The following ATP2A2 variants were observed in gnomAD, a reference collection of about 807,000 sequenced individuals.
The protein encoded by ATP2A2 is sarcoplasmic/endoplasmic reticulum calcium ATPase 2.
ATP2A2 carries 14 observed loss-of-function variants against 109.3 expected under a neutral mutation model. The observed-to-expected ratio is 0.13, with a 90% CI of 0.08 to 0.20. The LOEUF (loss-of-function observed/expected upper bound fraction) is 0.20, where lower values mean the gene tolerates loss of function less well. Among genes scored for constraint, ATP2A2 ranks in the 10% least tolerant of loss-of-function variants. ATP2A2 has a pLI of 1.00. For missense variants in ATP2A2, 657 were observed against 1,321.6 expected, an observed-to-expected ratio of 0.50 and a Z score of 7.80; for synonymous variants, 506 against 490.9, an observed-to-expected ratio of 1.03 and a Z score of -0.41.
intron 5 of ATP2A2, among the ~76,000 whole-genome samples, chr12:110,304,943 T>G (rs1183443030): frequency 6.6e-6 from 1 of 152,016 alleles, no homozygotes; most frequent in Non-Finnish European, 1.5e-5. Context: ...TTTTTTTTTC[T>G]TTTTGAGACG....
Position 110,327,705 on chromosome 12 carries a change from C to T in ATP2A2, c.783C>T (p.Ser261=), listed in dbSNP as rs142721178. The part of the protein sequence containing the change: ...QKLDEFGEQL[S]KVISLICIAV... Reference sequence around the variant, plus strand: ...TAGATGAATTTGGGGAACAGCTTTCCAAAGTCATCTCCCTTATTTGCATTG... The same window carrying T: ...TAGATGAATTTGGGGAACAGCTTTCTAAAGTCATCTCCCTTATTTGCATTG... Residue 261 remains serine (S), a synonymous_variant, in exon 8 of 20, where the codon TCC becomes TCT. Coordinates refer to ENST00000539276, the MANE Select transcript of ATP2A2 (RefSeq NM_170665.4). This position sits in a 1 kb window ranked among gnomAD's most constrained non-coding sequence, Gnocchi z 4.4. 355 of 1,614,004 alleles carry T rather than the reference C, an allele frequency of 2.2e-4. No homozygotes were observed. The highest frequency in any genetic ancestry group is 2.9e-4 in the Non-Finnish European group (338 of 1,180,038).
chr12:110,328,016 G>A lies in ATP2A2; in HGVS notation c.1094G>A (p.Arg365Lys). The change falls in exon 8 of 20, where the codon AGG becomes AAG. Residue 365 changes from arginine to lysine, a missense_variant and splice_region_variant. This residue lies in a region of ATP2A2 where 46 missense variants were observed against 62.0 expected (regional missense o/e 0.74). Coordinates refer to ENST00000539276, the MANE Select transcript of ATP2A2 (RefSeq NM_170665.4). Reference protein sequence around the residue: ...TLTTNQMSVCRMFILDRVEGD... With the variant: ...TLTTNQMSVCKMFILDRVEGD... The stretch of plus-strand genomic sequence containing the variant: ...ACAACAAACCAGATGTCAGTCTGCA[G>A]GGTAAGAGGAGTAATTTAGAATATT... 2 of 1,612,014 alleles carry A rather than the reference G, an allele frequency of 1.2e-6. No homozygotes were observed. Among genetic ancestry groups the A allele is most frequent in the East Asian group, 2.2e-5 (1 of 44,892 alleles).
intron 11 of ATP2A2, among the ~76,000 whole-genome samples, chr12:110,336,682 C>T (rs1878872336): frequency 6.6e-6 from 1 of 152,160 alleles, no homozygotes; most frequent in Non-Finnish European, 1.5e-5. Flanking sequence ...CCTGAGAAAA[C>T]AAAACTCACA....
intron 3 of ATP2A2, among the ~76,000 whole-genome samples, chr12:110,286,899 A>G (rs1187743464): frequency 6.6e-6 from 1 of 152,168 alleles, no homozygotes; most frequent in Non-Finnish European, 1.5e-5. Context: ...CTGAGTCACA[A>G]TATCATGACT....
rs575308946 is a variant in ATP2A2, at chr12:110,348,399, G to A, written c.*1929G>A. ...CTCCTTAGCCAGGGTGTGAGGCCTC[G>A]ACTATATTCTTCAAAATGTACTTAG... On this transcript the variant is annotated 3_prime_UTR_variant, in exon 20 of 20. Coordinates refer to ENST00000539276, the MANE Select transcript of ATP2A2 (RefSeq NM_170665.4). 34 of 985,416 alleles carry A rather than the reference G, an allele frequency of 3.5e-5. No individual in the cohort carries two copies. In the South Asian group the frequency reaches 1.0e-3, roughly 30 times the overall value. 61.0% of individuals were successfully genotyped at this position (985,416 alleles called of 1,614,324 possible).
chr12:110,320,345 A>C (rs1213978824), intron 5 of ATP2A2, among the ~76,000 whole-genome samples: 1 of 152,258 alleles, frequency 6.6e-6, no homozygotes, highest in East Asian at 1.9e-4. Context: ...GACGACCGCT[A>C]TCTCACATTG....
Position 110,346,763 on chromosome 12 carries a change from A to AG in ATP2A2, c.*293_*294insG, listed in dbSNP as rs1879904319. The stretch of plus-strand genomic sequence containing the variant: ...TGTTCTGTTTAATACTCATCCTTGT[A>AG]TAAAAAAAATAGTTGAGCCAGCAGA... On this transcript the variant is annotated 3_prime_UTR_variant, in exon 20 of 20. Transcript: ENST00000539276. 1 of 1,201,924 alleles carries AG rather than the reference A, an allele frequency of 8.3e-7. No homozygotes were observed. The highest frequency in any genetic ancestry group is 4.8e-5 in the East Asian group (1 of 20,624). The allele number at this position is 1,201,924 out of a possible 1,614,324, so 74.5% of individuals were successfully genotyped here. A position where few individuals can be genotyped will look rare whatever the true frequency, so the allele number is the denominator to read the frequency against.
chr12:110,333,156 C>G (rs1566233362), intron 9 of ATP2A2, 25 bp from the exon 10 acceptor site: 4 of 1,591,390 alleles, frequency 2.5e-6, no homozygotes, highest in Non-Finnish European at 3.4e-6. Flanking sequence ...ATACCCTGCT[C>G]TAAGAGTGTT....
Position 110,348,735 on chromosome 12 carries a change from G to A in ATP2A2, c.*2265G>A. On this transcript the variant is annotated 3_prime_UTR_variant, in exon 20 of 20. Transcript: ENST00000539276. ...ATCAGCCTTACTGTGAAGCCTCCAA[G>A]GCTGCTCGCAGGCAGCTGTGGCTCT... The A allele has an allele frequency of 1.0e-6, 1 of 985,468 alleles. No individual in the cohort carries two copies. The highest frequency in any genetic ancestry group is 1.2e-6 in the Non-Finnish European group (1 of 829,978). The allele number at this position is 985,468 out of a possible 1,614,324, so 61.0% of individuals were successfully genotyped here.
rs138160424 is a variant in ATP2A2 at position 110,327,488 on chromosome 12, C to T, written c.631-65C>T. 8.9e-5 allele frequency: 133 copies of T among 1,499,284 alleles called. No homozygotes were observed. The East Asian group carries it at 2.7e-3, about 30-fold the overall frequency. The allele number at this position is 1,499,284 out of a possible 1,614,324, so 92.9% of individuals were successfully genotyped here. A position where few individuals can be genotyped will look rare whatever the true frequency, so the allele number is the denominator to read the frequency against. On this transcript the variant is annotated intron_variant, in intron 7 of 19. Transcript: ENST00000539276. This position sits in a 1 kb window ranked among gnomAD's most constrained non-coding sequence, Gnocchi z 4.4. ...GAATCTGGGTGCCCTAGTCAAAAAC[C>T]AGCGTCGGTATTTAAGTTGGGATGT...
intron 5 of ATP2A2, among the ~76,000 whole-genome samples, chr12:110,321,096 C>T (rs1428113299): frequency 6.6e-6 from 1 of 152,090 alleles, no homozygotes; most frequent in Non-Finnish European, 1.5e-5. Flanking sequence ...GTTGTGGTGG[C>T]GCACGCCTGT....
chr12:110,311,595 CAAAAAAAAAAAA>C (rs67023919), intron 5 of ATP2A2, among the ~76,000 whole-genome samples: 164 of 25,224 alleles, frequency 6.5e-3, no homozygotes, highest in African/African-American at 0.023. Flanking sequence ...GACTCCATCT[CAAAAAAAAAAAA>C]AAAAAAAAAA....
At chr12:110,282,687 A>C (rs1163937615) in intron 2 of ATP2A2, 26 bp from the exon 3 acceptor site, 3 of 1,613,668 alleles carry the variant, frequency 1.9e-6, no homozygotes, top group Non-Finnish European at 2.5e-6. Context: ...GATGACAGTT[A>C]AAACACATGT....
At chr12:110,304,532 A>C (rs546866991) in intron 5 of ATP2A2, among the ~76,000 whole-genome samples, 45 of 152,258 alleles carry the variant, frequency 3.0e-4, no homozygotes, top group African/African-American at 1.1e-3. Context: ...TAATTTCTTA[A>C]TGATGTTGGG....
chr12:110,313,234 A>G (rs1327272362), intron 5 of ATP2A2, among the ~76,000 whole-genome samples: 1 of 151,708 alleles, frequency 6.6e-6, no homozygotes, highest in African/African-American at 2.4e-5. Flanking sequence ...GGAAGTGCCA[A>G]CCTTTTCATT....
chr12:110,338,066 C>T lies in ATP2A2; in HGVS notation c.1420-1215C>T, dbSNP rs1592857385. ...ACCTCTTCACTTGGCTTCCACGATC[C>T]CATACTTGCTCTCCCTCCCTGGCCT... On this transcript the variant is annotated intron_variant, in intron 11 of 19. Coordinates refer to ENST00000539276, the MANE Select transcript of ATP2A2 (RefSeq NM_170665.4). Among the ~76,000 whole-genome samples, 3 of 152,296 alleles carry T rather than the reference C, an allele frequency of 2.0e-5. No homozygotes were observed. The East Asian group carries it at 5.8e-4, about 29-fold the overall frequency.
intron 3 of ATP2A2, among the ~76,000 whole-genome samples, chr12:110,287,858 C>T (rs1025346440): frequency 7.2e-5 from 11 of 152,082 alleles, no homozygotes; most frequent in African/African-American, 4.8e-5. Context: ...TTAGGTGATC[C>T]GCCTGCCTCA....
chr12:110,341,003 G>A lies in ATP2A2; in HGVS notation c.2097+9G>A, dbSNP rs765330082. The A allele has an allele frequency of 2.9e-5, 46 of 1,613,650 alleles. No individual in the cohort carries two copies. The highest frequency in any genetic ancestry group is 3.7e-5 in the Non-Finnish European group (44 of 1,179,700). The stretch of plus-strand genomic sequence containing the variant: ...ATGAGATTACAGCTATGGTGAGCAT[G>A]TTTGAACATGTACAGGTGACTCAGG... On this transcript the variant is annotated intron_variant, in intron 14 of 19. Transcript: ENST00000539276.
chr12:110,348,988 G>T lies in ATP2A2; in HGVS notation c.*2518G>T, dbSNP rs1880144337. The T allele has an allele frequency of 3.0e-6, 3 of 985,362 alleles. No individual in the cohort carries two copies. In the African/African-American group the frequency reaches 5.2e-5, roughly 17 times the overall value. The allele number at this position is 985,362 out of a possible 1,614,324, so 61.0% of individuals were successfully genotyped here. On this transcript the variant is annotated 3_prime_UTR_variant, in exon 20 of 20. Transcript: ENST00000539276. ...TGACTTAGTGGCCTTTACAAAAAAA[G>T]TTGAGTAGTGTGTGGCCTGCTGTCG...
Sources: allele counts gnomAD v4.1 joint callset (sites outside exome capture counted in the v4.1 genomes callset), GRCh38; gene constraint gnomAD v4.1.1; regional missense constraint gnomAD v4.1.1; non-coding constraint Gnocchi (gnomAD v3.1); transcripts MANE v1.5; gene names NCBI Gene and HGNC (gene_info 2026-07-23, HGNC 2026-07-21).